Variants in TMTC2 observed in about 807,000 individuals in gnomAD.
The protein encoded by TMTC2 is protein O-mannosyl-transferase TMTC2.
In TMTC2, 43 loss-of-function variants were observed where a neutral mutation model predicts 82.4. That is an observed-to-expected ratio of 0.52 (90% CI 0.41 to 0.67). TMTC2 has a LOEUF of 0.67. TMTC2 is among the 30% of genes least tolerant of loss of function. The pLI, the probability that TMTC2 is intolerant of heterozygous loss-of-function variation, is 0.00. For missense variants in TMTC2, 919 were observed against 1,012.4 expected (o/e 0.91, Z 1.25); for synonymous variants, 408 against 381.9 (o/e 1.07, Z -0.80).
At chr12:82,993,306 AAC>A (rs1378626677) in intron 8 of TMTC2, among the ~76,000 whole-genome samples, 1 of 152,026 alleles carries the variant, frequency 6.6e-6, no homozygotes, top group Admixed American at 6.6e-5. Flanking sequence ...TTTATTTCAA[AAC>A]AAGTAAGATT....
intron 2 of TMTC2, among the ~76,000 whole-genome samples, chr12:82,890,620 A>G (rs1167023798): frequency 6.6e-6 from 1 of 151,686 alleles, no homozygotes; most frequent in Admixed American, 6.6e-5. Context: ...ATCACCTATG[A>G]GATTTTACTT....
chr12:82,718,531 C>T (rs144069717), intron 1 of TMTC2, among the ~76,000 whole-genome samples: 3 of 152,284 alleles, frequency 2.0e-5, no homozygotes. Context: ...GAACCCTGGG[C>T]CCCTGTGCCC....
chr12:82,720,230 T>A (rs1011710213), intron 1 of TMTC2, among the ~76,000 whole-genome samples: 1 of 152,172 alleles, frequency 6.6e-6, no homozygotes, highest in South Asian at 2.1e-4. Context: ...TATACCTTCA[T>A]GTCCCCGACC....
chr12:83,049,394 T>C (rs1284356825), intron 9 of TMTC2, among the ~76,000 whole-genome samples: 2 of 152,184 alleles, frequency 1.3e-5, no homozygotes, highest in Non-Finnish European at 2.9e-5. Context: ...CTCCCACTTA[T>C]AAGTGAGAAC....
chr12:82,873,095 A>G (rs1872287490), intron 2 of TMTC2, among the ~76,000 whole-genome samples: 2 of 152,160 alleles, frequency 1.3e-5, no homozygotes, highest in South Asian at 2.1e-4. Context: ...ACTCATTTAA[A>G]GAATGCAGTG....
chr12:82,992,114 G>T lies in TMTC2; in HGVS notation c.2070+6068G>T, dbSNP rs1879426758. 2.0e-5 allele frequency among the ~76,000 whole-genome samples: 3 copies of T among 152,180 alleles called. No homozygotes were observed. The South Asian group carries it at 6.2e-4, about 31-fold the overall frequency. On this transcript the variant is annotated intron_variant, in intron 8 of 11. Transcript: ENST00000321196. ...CCTGTGTCTAGCCAAAGTTAATTAG[G>T]CTACATAAAACTCCAGTTGTGGAAG... is the stretch of plus-strand genomic sequence containing the variant.
chr12:82,787,061 T>C (rs1419639598), intron 1 of TMTC2, among the ~76,000 whole-genome samples: 1 of 152,124 alleles, frequency 6.6e-6, no homozygotes, highest in African/African-American at 2.4e-5. Context: ...CTATCAAATA[T>C]TGTGTTTTCG....
rs113801591 is a variant in TMTC2 at position 82,905,873 on chromosome 12, A to G, written c.1483+9227A>G. On this transcript the variant is annotated intron_variant, in intron 3 of 11. Transcript: ENST00000321196. ...GGCAGGAGAATCGCTTGAACCCAGG[A>G]GGCAGAGGTTGCAGTGAGCCGAGAT... Among the ~76,000 whole-genome samples the G allele has an allele frequency of 2.6e-3, 388 of 151,480 alleles. 3 individuals carry two copies. The highest frequency in any genetic ancestry group is 9.1e-3 in the African/African-American group (376 of 41,262).
intron 1 of TMTC2, among the ~76,000 whole-genome samples, chr12:82,838,240 G>A (rs1362646627): frequency 6.6e-6 from 1 of 152,136 alleles, no homozygotes; most frequent in African/African-American, 2.4e-5. Context: ...AACACCCTGT[G>A]ACAACTGTGG....
chr12:82,719,085 A>ATATATATATATATATATTTTTT (rs1282211374), intron 1 of TMTC2, among the ~76,000 whole-genome samples: 1 of 41,406 alleles, frequency 2.4e-5, no homozygotes, highest in Non-Finnish European at 3.8e-5. Context: ...ATATATATAT[A>ATATATATATATATATATTTTTT]TTTTTTTTTT....
At chr12:82,812,327 A>G (rs1868444537) in intron 1 of TMTC2, among the ~76,000 whole-genome samples, 1 of 152,034 alleles carries the variant, frequency 6.6e-6, no homozygotes, top group South Asian at 2.1e-4. Context: ...GATTCATGAA[A>G]CCTTAAGTTC....
intron 11 of TMTC2, among the ~76,000 whole-genome samples, chr12:83,088,878 A>G (rs764118259): frequency 3.9e-5 from 6 of 152,200 alleles, no homozygotes; most frequent in African/African-American, 7.2e-5. Flanking sequence ...CCAGTTTCTC[A>G]GAAAGAAATA....
At chr12:82,768,935 T>A (rs79052549) in intron 1 of TMTC2, among the ~76,000 whole-genome samples, 3,629 of 152,080 alleles carry the variant, frequency 0.024, 57 homozygotes, top group Middle Eastern at 0.082. Flanking sequence ...CCACACCCAG[T>A]CATAAGCAGT....
At chr12:83,061,727 A>G (rs184189832) in intron 10 of TMTC2, 41 bp from the exon 11 acceptor site, 2 of 1,504,792 alleles carry the variant, frequency 1.3e-6, no homozygotes, top group Non-Finnish European at 8.9e-7. Flanking sequence ...TTGTAATTCT[A>G]AAATATATGA....
At chr12:82,933,994 G>A (rs1234907485) in intron 4 of TMTC2, among the ~76,000 whole-genome samples, 1 of 152,080 alleles carries the variant, frequency 6.6e-6, no homozygotes, top group Non-Finnish European at 1.5e-5. Context: ...AAAATGATGG[G>A]ATAATTTTAA....
At chr12:82,845,870 G>A (rs1386197431) in intron 1 of TMTC2, among the ~76,000 whole-genome samples, 1 of 150,064 alleles carries the variant, frequency 6.7e-6, no homozygotes, top group African/African-American at 2.4e-5. Context: ...GGTAACTCAA[G>A]TTTTAATTAT....
At chr12:83,038,331 C>T (rs1273477495) in intron 9 of TMTC2, among the ~76,000 whole-genome samples, 2 of 151,928 alleles carry the variant, frequency 1.3e-5, no homozygotes, top group Non-Finnish European at 2.9e-5. Context: ...GGTAAACATA[C>T]AATCTCATTG....
At chr12:82,757,550 C>G (rs987278602) in intron 1 of TMTC2, among the ~76,000 whole-genome samples, 1 of 152,110 alleles carries the variant, frequency 6.6e-6, no homozygotes, top group Non-Finnish European at 1.5e-5. Flanking sequence ...GGAATCCAGC[C>G]TGTACAGTGC....
In TMTC2 at chr12:82,751,218, T is replaced by G. The variant is rs184768933; in HGVS notation, c.83+63549T>G. On this transcript the variant is annotated intron_variant, in intron 1 of 11. Coordinates refer to ENST00000321196, the MANE Select transcript of TMTC2 (RefSeq NM_152588.3). ...AATACTATGCAGCTATAAAAAATGA[T>G]GAGTTCATGTCCTTTGTAGGGACGT... Among the ~76,000 whole-genome samples the G allele has an allele frequency of 2.1e-4, 32 of 152,304 alleles. No homozygotes were observed. The East Asian group carries it at 6.2e-3, about 29-fold the overall frequency.
Sources: gnomAD v4.1 joint callset for allele counts (sites outside exome capture counted in the v4.1 genomes callset) on GRCh38, gnomAD v4.1.1 for gene constraint, MANE v1.5 for transcripts, NCBI Gene and HGNC (gene_info 2026-07-23, HGNC 2026-07-21) for gene names.